The following DGKB variants were observed in gnomAD, a reference collection of about 807,000 sequenced individuals.
The protein encoded by DGKB is 90 kDa diacylglycerol kinase.
In DGKB, 67 loss-of-function variants were observed where a neutral mutation model predicts 114.3. The ratio of observed to expected loss-of-function variants is 0.59; its 90% confidence interval spans 0.48 to 0.72. DGKB has a LOEUF of 0.72. Among genes scored for constraint, DGKB ranks in the 30% least tolerant of loss-of-function variants. The pLI is 0.00. For missense variants in DGKB, 907 were observed against 975.2 expected, an observed-to-expected ratio of 0.93 and a Z score of 0.93; for synonymous variants, 398 against 323.1, an observed-to-expected ratio of 1.23 and a Z score of -2.49.
intron 6 of DGKB, among the ~76,000 whole-genome samples, chr7:14,715,862 G>GGAT (rs1828100150): frequency 6.6e-6 from 1 of 152,130 alleles, no homozygotes; most frequent in Admixed American, 6.6e-5. Context: ...ACCCTATTGA[G>GGAT]GATGTTAAGT....
chr7:14,609,379 A>G (rs1805108173), intron 16 of DGKB, among the ~76,000 whole-genome samples: 1 of 152,116 alleles, frequency 6.6e-6, no homozygotes, highest in African/African-American at 2.4e-5. Flanking sequence ...TTCACCACAT[A>G]CAAAAATTAA....
intron 2 of DGKB, among the ~76,000 whole-genome samples, chr7:14,799,843 T>C (rs571419321): frequency 6.6e-6 from 1 of 152,254 alleles, no homozygotes; most frequent in East Asian, 1.9e-4. Flanking sequence ...GAGCCTTTGG[T>C]AGAATTCTAT....
chr7:14,368,199 A>G (rs888665927), intron 21 of DGKB, among the ~76,000 whole-genome samples: 6 of 150,972 alleles, frequency 4.0e-5, no homozygotes, highest in African/African-American at 1.5e-4. Context: ...GTTTATTATA[A>G]TTGATGGACC....
intron 5 of DGKB, among the ~76,000 whole-genome samples, chr7:14,724,864 T>C (rs1461873841): frequency 6.6e-6 from 1 of 152,180 alleles, no homozygotes; most frequent in Non-Finnish European, 1.5e-5. Context: ...TCTACACCAG[T>C]GTTATCCAAT....
At chr7:14,625,303 G>T (rs767359283) in intron 14 of DGKB, among the ~76,000 whole-genome samples, 1 of 152,044 alleles carries the variant, frequency 6.6e-6, no homozygotes, top group Non-Finnish European at 1.5e-5. Flanking sequence ...TTAAAAACAG[G>T]AGAGCCTCAT....
intron 2 of DGKB, among the ~76,000 whole-genome samples, chr7:14,806,727 T>C (rs17360797): frequency 2.6e-5 from 4 of 151,992 alleles, no homozygotes. Context: ...CTATTTGGTA[T>C]TCATAAGCTG....
At chr7:14,921,391 T>C (rs1784503368) in intron 1 of DGKB, among the ~76,000 whole-genome samples, 2 of 152,150 alleles carry the variant, frequency 1.3e-5, no homozygotes, top group South Asian at 4.1e-4. Flanking sequence ...AAAGGTAATA[T>C]TGTCCTAAAA....
At chr7:14,739,382 G>A (rs1832209760) in intron 4 of DGKB, among the ~76,000 whole-genome samples, 1 of 152,176 alleles carries the variant, frequency 6.6e-6, no homozygotes, top group South Asian at 2.1e-4. Context: ...GGAGCTACCA[G>A]AAATTCATGC....
intron 3 of DGKB, among the ~76,000 whole-genome samples, chr7:14,755,756 A>C (rs1834780219): frequency 6.6e-6 from 1 of 152,136 alleles, no homozygotes; most frequent in Admixed American, 6.5e-5. Context: ...GATACATACT[A>C]GTTTTTTAAA....
chr7:14,814,470 C>G (rs1255482434), intron 2 of DGKB, among the ~76,000 whole-genome samples: 1 of 152,114 alleles, frequency 6.6e-6, no homozygotes, highest in African/African-American at 2.4e-5. Context: ...CACTTTGAGT[C>G]AGGAATTCTG....
intron 1 of DGKB, among the ~76,000 whole-genome samples, chr7:14,877,382 C>T (rs1415933207): frequency 6.6e-6 from 1 of 151,964 alleles, no homozygotes; most frequent in African/African-American, 2.4e-5. Context: ...ATGGAGAAAC[C>T]CCGTCTCTAC....
At position 14,729,336 on chromosome 7, in the gene DGKB, A is replaced by T. The variant is rs552276812; in HGVS notation, c.322+6705T>A. Among the ~76,000 whole-genome samples, 10 of 150,340 alleles carry T rather than the reference A, an allele frequency of 6.7e-5. No individual in the cohort carries two copies. The South Asian group carries it at 8.5e-4, about 13-fold the overall frequency. ...ACCAGGTTTCACCGTGTTAGCCAGGATGGTCTCGATCTCCTGACCTTGTGA... is the reference window on the plus strand; with the variant it reads ...ACCAGGTTTCACCGTGTTAGCCAGGTTGGTCTCGATCTCCTGACCTTGTGA... On this transcript the variant is annotated intron_variant, in intron 5 of 25. Transcript: ENST00000402815.
chr7:14,416,730 C>A (rs917846445), intron 21 of DGKB, among the ~76,000 whole-genome samples: 1 of 152,122 alleles, frequency 6.6e-6, no homozygotes, highest in African/African-American at 2.4e-5. Context: ...GTCCATTAAA[C>A]CTCTTTTTCT....
At chr7:14,223,529 T>C (rs1790320058) in intron 23 of DGKB, among the ~76,000 whole-genome samples, 1 of 151,796 alleles carries the variant, frequency 6.6e-6, no homozygotes, top group African/African-American at 2.4e-5. Flanking sequence ...AAGAATAATA[T>C]ATATAAAAAA....
At chr7:14,777,414 T>C (rs937429443) in intron 2 of DGKB, among the ~76,000 whole-genome samples, 3 of 152,128 alleles carry the variant, frequency 2.0e-5, no homozygotes, top group Admixed American at 6.5e-5. Context: ...CATCTTGAAT[T>C]GTAGTTTCCA....
intron 23 of DGKB, among the ~76,000 whole-genome samples, chr7:14,253,693 A>T (rs1163863044): frequency 6.6e-6 from 1 of 152,162 alleles, no homozygotes; most frequent in Non-Finnish European, 1.5e-5. Flanking sequence ...GTTATACTTG[A>T]AGTTGAAAAC....
intron 23 of DGKB, among the ~76,000 whole-genome samples, chr7:14,194,418 A>C (rs1327242477): frequency 6.6e-6 from 1 of 152,186 alleles, no homozygotes. Flanking sequence ...CCTGGAGGAC[A>C]CCGTGTTAAC....
intron 24 of DGKB, among the ~76,000 whole-genome samples, chr7:14,177,152 T>A (rs558871508): frequency 1.3e-5 from 2 of 151,810 alleles, no homozygotes; most frequent in East Asian, 3.9e-4. Flanking sequence ...AAAAGAAAAA[T>A]TTCAGGGTTT....
chr7:14,806,120 G>A (rs924662921), intron 2 of DGKB, among the ~76,000 whole-genome samples: 13 of 151,526 alleles, frequency 8.6e-5, no homozygotes, highest in Non-Finnish European at 1.6e-4. Flanking sequence ...TTTGCTTCCC[G>A]CGTCGTAGGT....
Sources: gnomAD v4.1 joint callset for allele counts (sites outside exome capture counted in the v4.1 genomes callset) on GRCh38, gnomAD v4.1.1 for gene constraint, MANE v1.5 for transcripts, NCBI Gene and HGNC (gene_info 2026-07-23, HGNC 2026-07-21) for gene names.